The following ANKS1A variants were observed in gnomAD, a reference collection of about 807,000 sequenced individuals.
ANKS1A encodes ankyrin repeat and sterile alpha motif domain containing 1A.
A neutral mutation model predicts 120.3 loss-of-function variants in ANKS1A; 55 were observed. That is an observed-to-expected ratio of 0.46 (90% CI 0.37 to 0.57). The LOEUF (loss-of-function observed/expected upper bound fraction) is 0.57. Ranked by LOEUF, ANKS1A falls within the 20% of genes least tolerant of loss-of-function variation. The pLI is 0.00. For synonymous variants in ANKS1A, 590 were observed against 604.7 expected (o/e 0.98, Z 0.36); for missense variants, 1,123 against 1,480.3 (o/e 0.76, Z 3.96).
intron 18 of ANKS1A, 125 bp from the exon 19 acceptor site, chr6:35,083,030 C>A: frequency 7.6e-7 from 1 of 1,321,208 alleles, no homozygotes; most frequent in South Asian, 1.4e-5. Context: ...CCAGCTGGGG[C>A]AGGAGAGGGG....
At chr6:34,959,512 A>G (rs1307360620) in intron 1 of ANKS1A, among the ~76,000 whole-genome samples, 1 of 152,228 alleles carries the variant, frequency 6.6e-6, no homozygotes, top group Non-Finnish European at 1.5e-5. Flanking sequence ...TAAGCAGGAT[A>G]AATAATTCAC....
intron 1 of ANKS1A, among the ~76,000 whole-genome samples, chr6:34,925,185 TA>T (rs1354792703): frequency 6.6e-6 from 1 of 152,240 alleles, no homozygotes; most frequent in African/African-American, 2.4e-5. Flanking sequence ...ACTATCTTAG[TA>T]GGCTTTTTCT....
chr6:34,981,151 G>A (rs955505296), intron 3 of ANKS1A, among the ~76,000 whole-genome samples: 19 of 152,150 alleles, frequency 1.2e-4, no homozygotes, highest in East Asian at 1.9e-4. Flanking sequence ...TACCTTGAGC[G>A]ATTTTTAGTC....
intron 16 of ANKS1A, 88 bp from the exon 17 acceptor site, chr6:35,080,906 G>A: frequency 6.7e-7 from 1 of 1,490,106 alleles, no homozygotes; most frequent in African/African-American, 1.4e-5. Flanking sequence ...CGCTGCCTGT[G>A]CCGTCCTAAC....
intron 13 of ANKS1A, among the ~76,000 whole-genome samples, chr6:35,072,344 TG>T (rs1777125307): frequency 1.3e-5 from 2 of 152,194 alleles, no homozygotes; most frequent in Non-Finnish European, 2.9e-5. Context: ...CATCTTCAGG[TG>T]GAGCCCAGTG....
chr6:35,001,513 C>T lies in ANKS1A; in HGVS notation c.1423+7091C>T, dbSNP rs148969972. Among the ~76,000 whole-genome samples the T allele has an allele frequency of 1.3e-3, 202 of 152,374 alleles. 2 individuals carry two copies. In the East Asian group the frequency reaches 0.036, roughly 27 times the overall value. On this transcript the variant is annotated intron_variant, in intron 10 of 23. Transcript: ENST00000360359. ...GGAGTAATAAGTCATGCCAAGCTCT[C>T]TCTGCTATATCTCAAAGTCCAGCAC...
chr6:35,014,007 G>T (rs76960737), intron 10 of ANKS1A, among the ~76,000 whole-genome samples: 3,379 of 152,220 alleles, frequency 0.022, 62 homozygotes, highest in African/African-American at 0.048. Context: ...TTTAATTACC[G>T]CAACAATCCC....
intron 1 of ANKS1A, among the ~76,000 whole-genome samples, chr6:34,962,564 A>G (rs1480903404): frequency 1.3e-5 from 2 of 152,016 alleles, no homozygotes; most frequent in African/African-American, 4.8e-5. Flanking sequence ...AAGGCAGGCA[A>G]ATCACCAGGT....
At chr6:35,062,203 A>G (rs1561948149) in intron 13 of ANKS1A, among the ~76,000 whole-genome samples, 1 of 152,226 alleles carries the variant, frequency 6.6e-6, no homozygotes, top group Non-Finnish European at 1.5e-5. Flanking sequence ...CAGTCCTTCC[A>G]GGGGCTCTCA....
intron 3 of ANKS1A, among the ~76,000 whole-genome samples, chr6:34,976,794 G>A (rs1335428120): frequency 6.6e-6 from 1 of 151,682 alleles, no homozygotes; most frequent in Non-Finnish European, 1.5e-5. Flanking sequence ...GTGTGTGTGT[G>A]TGTGTATGCA....
At chr6:35,065,432 C>T (rs948360989) in intron 13 of ANKS1A, among the ~76,000 whole-genome samples, 5 of 152,184 alleles carry the variant, frequency 3.3e-5, no homozygotes, top group East Asian at 1.9e-4. Context: ...GATCCTCTTC[C>T]GTCGCTCCTG....
At chr6:34,974,638 G>A (rs1561883192) in intron 3 of ANKS1A, among the ~76,000 whole-genome samples, 1 of 152,050 alleles carries the variant, frequency 6.6e-6, no homozygotes, top group Admixed American at 6.5e-5. Context: ...TTTAAGTTCT[G>A]GGGTGCGACT....
intron 11 of ANKS1A, among the ~76,000 whole-genome samples, chr6:35,036,278 C>G (rs1775165804): frequency 6.6e-6 from 1 of 152,216 alleles, no homozygotes; most frequent in South Asian, 2.1e-4. Context: ...GATGGGGCAT[C>G]TAGGATCTTA....
At chr6:34,971,048 A>G (rs556421899) in intron 3 of ANKS1A, among the ~76,000 whole-genome samples, 1 of 152,348 alleles carries the variant, frequency 6.6e-6, no homozygotes, top group Non-Finnish European at 1.5e-5. Flanking sequence ...TGACATGGCA[A>G]TGTAACTTTC....
At chr6:35,097,637 G>GAAAAAAAAAAAAAAAAAA in the ANKS1A span, among the ~76,000 whole-genome samples, 1 of 89,766 alleles carries the variant, frequency 1.1e-5, no homozygotes, top group African/African-American at 4.7e-5. Context: ...AAAGCCAAAA[G>GAAAAAAAAAAAAAAAAAA]AAAAAAAAAA....
chr6:34,999,637 G>T (rs1433550235), intron 10 of ANKS1A, among the ~76,000 whole-genome samples: 2 of 152,100 alleles, frequency 1.3e-5, no homozygotes. Flanking sequence ...CATTAGAGGT[G>T]GGTTGGCCAT....
chr6:34,894,444 G>A (rs1052837526), intron 1 of ANKS1A, among the ~76,000 whole-genome samples: 1 of 152,300 alleles, frequency 6.6e-6, no homozygotes, highest in Admixed American at 6.5e-5. Context: ...TTGAGCCCAG[G>A]AGTTTGAAAC....
chr6:34,988,619 G>T (rs772283574), intron 8 of ANKS1A, among the ~76,000 whole-genome samples: 5 of 152,096 alleles, frequency 3.3e-5, no homozygotes, highest in Non-Finnish European at 5.9e-5. Context: ...TTTCAAATGG[G>T]TTTAGATGAA....
At chr6:35,074,299 G>A (rs868796935) in intron 13 of ANKS1A, among the ~76,000 whole-genome samples, 2 of 152,316 alleles carry the variant, frequency 1.3e-5, no homozygotes, top group South Asian at 2.1e-4. Flanking sequence ...TCATAATCAG[G>A]TAGAAAGTCT....
Sources: gnomAD v4.1 joint callset for allele counts (sites outside exome capture counted in the v4.1 genomes callset) on GRCh38, gnomAD v4.1.1 for gene constraint, MANE v1.5 for transcripts, NCBI Gene and HGNC (gene_info 2026-07-23, HGNC 2026-07-21) for gene names.